The following IGSF9B variants were observed in gnomAD, a reference collection of about 807,000 sequenced individuals.
The protein encoded by IGSF9B is immunoglobulin superfamily member 9B.
In IGSF9B, 48 loss-of-function variants were observed where a neutral mutation model predicts 143.7. The ratio of observed to expected loss-of-function variants is 0.33; its 90% CI spans 0.26 to 0.42. IGSF9B has a LOEUF of 0.42. Among genes scored for constraint, IGSF9B ranks in the 20% least tolerant of loss-of-function variants. The probability of loss-of-function intolerance (pLI) is 1.00; values close to 1 mark genes in which losing one functional copy is unlikely to be tolerated. For missense variants in IGSF9B, 1,706 were observed against 1,980.0 expected (o/e 0.86, Z 2.63); for synonymous variants, 903 against 833.1 (o/e 1.08, Z -1.44).
chr11:133,931,301 G>A lies in IGSF9B; in HGVS notation c.1368+152C>T, dbSNP rs999306058. Among the ~76,000 whole-genome samples the A allele has an allele frequency of 1.1e-4, 16 of 152,000 alleles. No homozygotes were observed. The highest frequency in any genetic ancestry group is 3.6e-4 in the African/African-American group (15 of 41,396). ...CAGCTCACTGCTCGGCATCTAGCCTGGTCAGGGCAGGTCCAGAATAGAACT... is the reference window on the plus strand; with the variant it reads ...CAGCTCACTGCTCGGCATCTAGCCTAGTCAGGGCAGGTCCAGAATAGAACT... On this transcript the variant is annotated intron_variant, in intron 10 of 19. Transcript: ENST00000533871. The surrounding 1 kb of genome is among the most constrained non-coding windows in gnomAD (Gnocchi z 7.7).
chr11:133,922,353 G>A, intron 16 of IGSF9B, 131 bp from the exon 17 acceptor site: 1 of 976,894 alleles, frequency 1.0e-6, no homozygotes. Flanking sequence ...GGCATCTTTG[G>A]CCCCTGCCTT....
intron 3 of IGSF9B, among the ~76,000 whole-genome samples, chr11:133,942,566 C>A (rs1565446086): frequency 6.6e-6 from 1 of 152,150 alleles, no homozygotes; most frequent in Non-Finnish European, 1.5e-5. Flanking sequence ...ATGAACACTG[C>A]CAATCAGGAT....
At chr11:133,926,432 G>C (rs1466273410) in intron 13 of IGSF9B, among the ~76,000 whole-genome samples, 1 of 152,206 alleles carries the variant, frequency 6.6e-6, no homozygotes, top group African/African-American at 2.4e-5. Flanking sequence ...CCTAGGAAAA[G>C]CCTGTTCACA....
intron 1 of IGSF9B, among the ~76,000 whole-genome samples, chr11:133,949,331 C>T (rs1424926850): frequency 3.3e-5 from 5 of 152,130 alleles, no homozygotes; most frequent in African/African-American, 4.8e-5. Context: ...CACATGCGCA[C>T]GCACACACAC....
chr11:133,929,806 C>G, intron 11 of IGSF9B, 24 bp from the exon 12 acceptor site: 4 of 1,540,442 alleles, frequency 2.6e-6, no homozygotes, highest in Non-Finnish European at 3.6e-6. Context: ...GGAGACCTCT[C>G]AGACTGAAAA....
rs1939347780 is a variant in IGSF9B at position 133,914,528 on chromosome 11, A to G, written c.3984-2521T>C. Among the ~76,000 whole-genome samples, 4 of 152,280 alleles carry G rather than the reference A, an allele frequency of 2.6e-5. No individual in the cohort carries two copies. The South Asian group carries it at 8.3e-4, about 32-fold the overall frequency. On this transcript the variant is annotated intron_variant, in intron 18 of 19. Transcript: ENST00000533871. Reference sequence around the variant, plus strand: ...CTTAAGTTGTATCGTCAAAGCAAAAATTCCCAGACAGTAATGATCCAGTGA... The same window carrying G: ...CTTAAGTTGTATCGTCAAAGCAAAAGTTCCCAGACAGTAATGATCCAGTGA...
At chr11:133,933,628 G>A (rs1345266367) in intron 7 of IGSF9B, among the ~76,000 whole-genome samples, 1 of 152,196 alleles carries the variant, frequency 6.6e-6, no homozygotes, top group East Asian at 1.9e-4. Context: ...CACACCTGTA[G>A]TCCCAGCTAC....
chr11:133,945,443 A>G lies in IGSF9B; in HGVS notation c.262+618T>C, dbSNP rs1409506567. On this transcript the variant is annotated intron_variant, in intron 2 of 19. Transcript: ENST00000533871. This position sits in a 1 kb window ranked among gnomAD's most constrained non-coding sequence, Gnocchi z 4.6. ...TTCCTCCCTTCCTTTCAACCCCAAC[A>G]ACGCTCGCTCAATGACACGCACACG... 6.6e-6 allele frequency among the ~76,000 whole-genome samples: 1 copy of G among 152,088 alleles called. No individual in the cohort carries two copies. Among genetic ancestry groups the G allele is most frequent in the Non-Finnish European group, 1.5e-5 (1 of 68,018 alleles).
Position 133,926,924 on chromosome 11 carries a change from T to A in IGSF9B, c.1799A>T (p.Asn600Ile). Residue 600 changes from asparagine (N) to isoleucine (I), a missense_variant, in exon 13 of 20, where the codon AAC (asparagine) becomes ATC (isoleucine). Asn to Ile is a moderately radical substitution (Grantham distance 149). Around this residue, in one of 7 missense-constraint regions of IGSF9B, gnomAD observed 267 missense variants for 321.1 expected, o/e 0.83. Transcript: ENST00000533871. Reference sequence around the variant, plus strand: ...CCACCCCGGGCCCTCACCTAAAGTGTTCACAGTGACCACCTCACTGAAGGC... The same window carrying A: ...CCACCCCGGGCCCTCACCTAAAGTGATCACAGTGACCACCTCACTGAAGGC... The part of the protein sequence containing the change: ...TSAFSEVVTV[N>I]TLAFPITTPE... 2 of 1,593,586 alleles carry A rather than the reference T, an allele frequency of 1.3e-6. No homozygotes were observed. The highest frequency in any genetic ancestry group is 1.7e-6 in the Non-Finnish European group (2 of 1,169,826).
rs1334169715 is a variant in IGSF9B, at chr11:133,902,342, A to C, written c.*6727T>G. ...ACACACACCATACCACACACACCCC[A>C]CACACATACACAACCACACAATAGA... On this transcript the variant is annotated 3_prime_UTR_variant, in exon 20 of 20. Transcript: ENST00000533871. Among the ~76,000 whole-genome samples the C allele has an allele frequency of 6.8e-6, 1 of 147,666 alleles. No individual in the cohort carries two copies. The highest frequency in any genetic ancestry group is 2.5e-5 in the African/African-American group (1 of 39,896).
intron 1 of IGSF9B, chr11:133,952,275 C>T (rs1419036554): frequency 3.0e-6 from 1 of 337,762 alleles, no homozygotes; most frequent in Non-Finnish European, 5.9e-6. Flanking sequence ...CTATCCAACC[C>T]CAGAGTCCTC....
In IGSF9B at chr11:133,920,676, C is replaced by T. The variant is rs375653574; in HGVS notation, c.3049G>A (p.Gly1017Arg). 49 of 1,613,410 alleles carry T rather than the reference C, an allele frequency of 3.0e-5. No homozygotes were observed. Among genetic ancestry groups the T allele is most frequent in the Non-Finnish European group, 4.1e-5 (48 of 1,179,836 alleles). Residue 1017 changes from glycine (G) to arginine (R), a missense_variant, in exon 18 of 20, where the codon GGA (glycine) becomes AGA (arginine). Gly to Arg is a moderately radical substitution (Grantham distance 125, BLOSUM62 -2). Coordinates refer to ENST00000533871, the MANE Select transcript of IGSF9B (RefSeq NM_001277285.4). ...AGCGTGCTGTTGGATGCATTCTCTC[C>T]ATTCTCCTCGGGGATGGTGGGGTGG... is the stretch of plus-strand genomic sequence containing the variant. Reference protein sequence around the residue: ...FGHPTIPEENGENASNSTLPL... With the variant: ...FGHPTIPEENRENASNSTLPL...
At position 133,904,158 on chromosome 11, in the gene IGSF9B, G is replaced by T; in HGVS notation, c.*4911C>A. On this transcript the variant is annotated 3_prime_UTR_variant, in exon 20 of 20. Transcript: ENST00000533871. ...AGCCTCTCTACCTCAAGAGGAAAGGGGGATGAAGGCACGTCAGGCTCCAGC... is the reference window on the plus strand; with the variant it reads ...AGCCTCTCTACCTCAAGAGGAAAGGTGGATGAAGGCACGTCAGGCTCCAGC... 6.6e-6 allele frequency among the ~76,000 whole-genome samples: 1 copy of T among 152,142 alleles called. No homozygotes were observed. Among genetic ancestry groups the T allele is most frequent in the South Asian group, 2.1e-4 (1 of 4,816 alleles).
intron 18 of IGSF9B, among the ~76,000 whole-genome samples, chr11:133,914,222 T>G (rs141779835): frequency 2.0e-3 from 305 of 152,294 alleles, no homozygotes; most frequent in Middle Eastern, 3.4e-3. Flanking sequence ...CCCCCATTTT[T>G]CAGATGGAGA....
intron 18 of IGSF9B, among the ~76,000 whole-genome samples, chr11:133,917,229 C>T (rs938091346): frequency 6.6e-5 from 10 of 152,184 alleles, no homozygotes; most frequent in African/African-American, 1.9e-4. Flanking sequence ...GGGTCCGTGG[C>T]GAGCGGCAGC....
At chr11:133,919,063 A>G in intron 18 of IGSF9B, 1 of 459,014 alleles carries the variant, frequency 2.2e-6, no homozygotes, top group Non-Finnish European at 4.4e-6. Context: ...GTGCTCTCTC[A>G]GGCGGGCTGG....
intron 1 of IGSF9B, among the ~76,000 whole-genome samples, chr11:133,950,866 GCCTCCT>G (rs35266790): frequency 1.5e-4 from 22 of 150,528 alleles, no homozygotes; most frequent in Admixed American, 2.6e-4. Context: ...CCTTATTGCA[GCCTCCT>G]CCTCCTCCTC....
chr11:133,929,181 A>G (rs1284573287), intron 12 of IGSF9B, among the ~76,000 whole-genome samples: 1 of 152,184 alleles, frequency 6.6e-6, no homozygotes, highest in African/African-American at 2.4e-5. Context: ...CCCTGATGCG[A>G]TTATTACACA....
chr11:133,902,507 AC>A lies in IGSF9B; in HGVS notation c.*6561del. Among the ~76,000 whole-genome samples the A allele has an allele frequency of 7.0e-6, 1 of 143,576 alleles. No homozygotes were observed. The highest frequency in any genetic ancestry group is 1.5e-5 in the Non-Finnish European group (1 of 65,296). 94.2% of individuals were successfully genotyped at this position (143,576 alleles called of 152,430 possible). On this transcript the variant is annotated 3_prime_UTR_variant, in exon 20 of 20. Transcript: ENST00000533871. Reference sequence around the variant, plus strand: ...ACACACACACACACCAGACATGCACACCACACACAGACATGCACACCACACA... The same window carrying A: ...ACACACACACACACCAGACATGCACACACACACAGACATGCACACCACACA...
Sources: allele counts gnomAD v4.1 joint callset (sites outside exome capture counted in the v4.1 genomes callset), GRCh38; gene constraint gnomAD v4.1.1; regional missense constraint gnomAD v4.1.1; non-coding constraint Gnocchi (gnomAD v3.1); transcripts MANE v1.5; gene names NCBI Gene and HGNC (gene_info 2026-07-23, HGNC 2026-07-21).